The following PCDHGA6 variants were observed in gnomAD, a reference collection of about 807,000 sequenced individuals.
The protein encoded by PCDHGA6 is protocadherin gamma-A6.
PCDHGA6 carries 41 observed loss-of-function variants against 60.6 expected under a neutral mutation model. That is an observed-to-expected ratio of 0.68 (90% CI 0.53 to 0.88). The LOEUF (loss-of-function observed/expected upper bound fraction) is 0.88. Among genes scored for constraint, PCDHGA6 ranks in the 40% least tolerant of loss-of-function variants. The pLI is 0.00. For synonymous variants in PCDHGA6, 594 were observed against 524.4 expected (o/e 1.13, Z -1.81); for missense variants, 1,312 against 1,203.0 (o/e 1.09, Z -1.34).
At chr5:141,418,512 G>C (rs776986277) in intron 1 of PCDHGA6, 1 of 1,613,966 alleles carries the variant, frequency 6.2e-7, no homozygotes, top group Non-Finnish European at 8.5e-7. Context: ...TTAGATGGTG[G>C]GGACCCTCCC....
chr5:141,423,758 G>GGGT, intron 1 of PCDHGA6: 1 of 366,842 alleles, frequency 2.7e-6, no homozygotes, highest in Non-Finnish European at 3.8e-6. Context: ...TTTGGGGGGG[G>GGGT]GGTGGGGCGG....
At chr5:141,384,642 C>T (rs373564078) in intron 1 of PCDHGA6, 5 of 1,614,214 alleles carry the variant, frequency 3.1e-6, no homozygotes, top group South Asian at 2.2e-5. Flanking sequence ...CACCCCGCTC[C>T]GCAGAGCCCG....
intron 1 of PCDHGA6, chr5:141,403,656 C>G: frequency 6.2e-7 from 1 of 1,613,894 alleles, no homozygotes. Flanking sequence ...GTGTTGGATA[C>G]AAATGATAAT....
intron 1 of PCDHGA6, chr5:141,479,399 T>C (rs2099494765): frequency 6.6e-6 from 1 of 152,576 alleles, no homozygotes; most frequent in African/African-American, 2.4e-5. Flanking sequence ...AGTTCTGGGC[T>C]GTGGTGCACT....
intron 1 of PCDHGA6, among the ~76,000 whole-genome samples, chr5:141,446,174 G>A (rs1242027176): frequency 1.3e-5 from 2 of 152,062 alleles, no homozygotes; most frequent in Non-Finnish European, 2.9e-5. Context: ...GAGGGCAGGG[G>A]GTGTTTTGTT....
At chr5:141,494,972 C>T (rs1005793988) in intron 2 of PCDHGA6, 107 bp downstream of exon 2, 69 of 1,581,734 alleles carry the variant, frequency 4.4e-5, no homozygotes, top group Non-Finnish European at 5.9e-5. Context: ...TGGCTTCTCC[C>T]TCAGTTTGAG....
rs2097542578 is a variant in PCDHGA6 at position 141,432,849 on chromosome 5, T to C, written c.2424+56342T>C. On this transcript the variant is annotated intron_variant, in intron 1 of 3. Coordinates refer to ENST00000517434, the MANE Select transcript of PCDHGA6 (RefSeq NM_018919.3). The surrounding 1 kb of genome is among the most constrained non-coding windows in gnomAD (Gnocchi z 6.0). ...CTCACTCTGTACCTGGTGGTAGCGG[T>C]GGCCGCGGTCTCCTGCGTCTTCCTG... 2 of 1,614,076 alleles carry C rather than the reference T, an allele frequency of 1.2e-6. No individual in the cohort carries two copies. Among genetic ancestry groups the C allele is most frequent in the South Asian group, 1.1e-5 (1 of 91,096 alleles).
At chr5:141,400,003 C>G (rs2093938557) in intron 1 of PCDHGA6, 1 of 1,612,278 alleles carries the variant, frequency 6.2e-7, no homozygotes, top group Non-Finnish European at 8.5e-7. Context: ...GCGCACAGCG[C>G]GTGCCTTGGG....
chr5:141,486,869 C>G lies in PCDHGA6; in HGVS notation c.2425-7938C>G. On this transcript the variant is annotated intron_variant, in intron 1 of 3. Transcript: ENST00000517434. This position sits in a 1 kb window ranked among gnomAD's most constrained non-coding sequence, Gnocchi z 5.0. ...CCTCAATGACAATGCTCCAGCTGTG[C>G]TCCGTCCTCGGGCCCGGCCTGGTTC... The G allele has an allele frequency of 6.2e-7, 1 of 1,614,246 alleles. No homozygotes were observed. The highest frequency in any genetic ancestry group is 8.5e-7 in the Non-Finnish European group (1 of 1,180,042).
rs142172414 is a variant in PCDHGA6, at chr5:141,477,145, G to A, written c.2425-17662G>A. On this transcript the variant is annotated intron_variant, in intron 1 of 3. Coordinates refer to ENST00000517434, the MANE Select transcript of PCDHGA6 (RefSeq NM_018919.3). The surrounding 1 kb of genome is among the most constrained non-coding windows in gnomAD (Gnocchi z 4.9). ...ATTGCAAAGTGTTGGTGGAGGTTGT[G>A]GATGTGAATGACAACGCCCCGGAGA... The A allele has an allele frequency of 3.7e-6, 6 of 1,614,054 alleles. No homozygotes were observed. The African/African-American group carries it at 8.0e-5, about 22-fold the overall frequency.
At chr5:141,421,225 G>A in intron 1 of PCDHGA6, 1 of 1,584,302 alleles carries the variant, frequency 6.3e-7, no homozygotes. Flanking sequence ...CTTAGAGCCT[G>A]CCATGGCGAA....
chr5:141,380,578 G>A (rs532519748), intron 1 of PCDHGA6, among the ~76,000 whole-genome samples: 19 of 152,144 alleles, frequency 1.2e-4, no homozygotes, highest in African/African-American at 3.4e-4. Flanking sequence ...ATATCTTGGC[G>A]GTCTAGTAAA....
In PCDHGA6 at chr5:141,421,516, T is replaced by G. The variant is rs199973694; in HGVS notation, c.2424+45009T>G. On this transcript the variant is annotated intron_variant, in intron 1 of 3. Transcript: ENST00000517434. Reference sequence around the variant, plus strand: ...AGGCAGGATAGACCGGGAGGAGCTCTGTGAGACGGTGTCCTCCTGTTTTTT... The same window carrying G: ...AGGCAGGATAGACCGGGAGGAGCTCGGTGAGACGGTGTCCTCCTGTTTTTT... 1.4e-5 allele frequency: 22 copies of G among 1,614,064 alleles called. No homozygotes were observed. The East Asian group carries it at 4.9e-4, about 36-fold the overall frequency.
intron 1 of PCDHGA6, among the ~76,000 whole-genome samples, chr5:141,405,967 G>A (rs76683972): frequency 6.6e-6 from 1 of 152,068 alleles, no homozygotes; most frequent in Non-Finnish European, 1.5e-5. Flanking sequence ...TGCTGTCAAC[G>A]TAAACCATAC....
At position 141,383,491 on chromosome 5, in the gene PCDHGA6, C is replaced by T. The variant is rs116533786; in HGVS notation, c.2424+6984C>T. The T allele has an allele frequency of 1.9e-6, 3 of 1,613,000 alleles. No individual in the cohort carries two copies. The highest frequency in any genetic ancestry group is 2.5e-6 in the Non-Finnish European group (3 of 1,179,496). On this transcript the variant is annotated intron_variant, in intron 1 of 3. Coordinates refer to ENST00000517434, the MANE Select transcript of PCDHGA6 (RefSeq NM_018919.3). Reference sequence around the variant, plus strand: ...TAAGTACCCGGAACTGGTGCTGGAGCGGGTGCTGGACCGGGAGGAAGAGCG... The same window carrying T: ...TAAGTACCCGGAACTGGTGCTGGAGTGGGTGCTGGACCGGGAGGAAGAGCG...
intron 1 of PCDHGA6, chr5:141,386,080 T>C (rs752371819): frequency 1.3e-5 from 2 of 152,248 alleles, no homozygotes; most frequent in Non-Finnish European, 2.9e-5. Flanking sequence ...GTTTTAGTGG[T>C]ACAGCCAGAT....
chr5:141,460,537 C>T (rs2098991642), intron 1 of PCDHGA6, among the ~76,000 whole-genome samples: 1 of 152,062 alleles, frequency 6.6e-6, no homozygotes, highest in African/African-American at 2.4e-5. Context: ...ATAATCTTAG[C>T]ACCTTAATCA....
intron 1 of PCDHGA6, chr5:141,430,735 A>T (rs1255723102): frequency 6.7e-7 from 1 of 1,497,964 alleles, no homozygotes; most frequent in Non-Finnish European, 8.9e-7. Context: ...GGCAGAATTG[A>T]AAATAATTCT....
At chr5:141,390,064 C>A in intron 1 of PCDHGA6, 3 of 1,614,058 alleles carry the variant, frequency 1.9e-6, no homozygotes, top group Middle Eastern at 3.3e-4. Context: ...TGCTTCCAGC[C>A]TGGTCTCTGT....
Sources: gnomAD v4.1 joint callset for allele counts (sites outside exome capture counted in the v4.1 genomes callset) on GRCh38, gnomAD v4.1.1 for gene constraint, Gnocchi (gnomAD v3.1) non-coding constraint, MANE v1.5 for transcripts, NCBI Gene and HGNC (gene_info 2026-07-23, HGNC 2026-07-21) for gene names.